Variants in PDE10A observed in about 807,000 individuals in gnomAD.
PDE10A encodes phosphodiesterase 10A, also known as cAMP and cAMP-inhibited cGMP 3',5'-cyclic phosphodiesterase 10A.
In PDE10A, 39 loss-of-function variants were observed where a neutral mutation model predicts 97.7. The observed-to-expected ratio is 0.40, with a 90% CI of 0.31 to 0.52. The LOEUF (loss-of-function observed/expected upper bound fraction) is 0.52. Among genes scored for constraint, PDE10A ranks in the 20% least tolerant of loss-of-function variants. The pLI is 0.56. For missense variants in PDE10A, 731 were observed against 1,047.8 expected (o/e 0.70, Z 4.17); for synonymous variants, 371 against 376.8 (o/e 0.98, Z 0.18).
intron 1 of PDE10A, among the ~76,000 whole-genome samples, chr6:165,645,325 C>T (rs1279299254): frequency 6.6e-6 from 1 of 152,188 alleles, no homozygotes; most frequent in African/African-American, 2.4e-5. Flanking sequence ...GCTTCACTCC[C>T]TACTCCTGCC....
intron 18 of PDE10A, 114 bp from the exon 19 acceptor site, chr6:165,343,616 G>A: frequency 4.1e-6 from 3 of 738,636 alleles, no homozygotes; most frequent in Non-Finnish European, 7.2e-6. Flanking sequence ...CTTCATTAAA[G>A]AGCACACAGA....
At chr6:165,664,083 C>T (rs551624234), upstream of PDE10A, among the ~76,000 whole-genome samples, 134 of 152,138 alleles carry the variant, frequency 8.8e-4, no homozygotes, top group Non-Finnish European at 1.7e-3. Flanking sequence ...ACGGGCTGTC[C>T]GGACTGCCTG....
At chr6:165,663,834 C>T (rs1333045052), upstream of PDE10A, among the ~76,000 whole-genome samples, 4 of 152,210 alleles carry the variant, frequency 2.6e-5, no homozygotes, top group African/African-American at 7.2e-5. Flanking sequence ...TTGCCATATG[C>T]GGCTCTCTTG....
intron 1 of PDE10A, among the ~76,000 whole-genome samples, chr6:165,806,053 AAAAAAAAAAAAAAAAAAG>A (rs993514244): frequency 2.0e-5 from 3 of 149,496 alleles, no homozygotes; most frequent in South Asian, 2.1e-4. Flanking sequence ...AAAAAAAAAA[AAAAAAAAAAAAAAAAAAG>A]ATCAAACAGC....
chr6:165,469,779 T>G (rs1422656451), intron 3 of PDE10A, among the ~76,000 whole-genome samples: 1 of 152,234 alleles, frequency 6.6e-6, no homozygotes, highest in East Asian at 1.9e-4. Context: ...AACTGGTTCC[T>G]CTGGCTTCTA....
intron 12 of PDE10A, among the ~76,000 whole-genome samples, chr6:165,414,958 A>G (rs1321369626): frequency 6.6e-6 from 1 of 152,130 alleles, no homozygotes; most frequent in African/African-American, 2.4e-5. Context: ...GATCAGTTGT[A>G]TATCTCCTTT....
chr6:165,345,949 C>T (rs940881788), intron 18 of PDE10A, among the ~76,000 whole-genome samples: 12 of 151,974 alleles, frequency 7.9e-5, no homozygotes, highest in African/African-American at 2.4e-4. Flanking sequence ...GAGGAGTGCA[C>T]GTGAAGTCCT....
intron 1 of PDE10A, among the ~76,000 whole-genome samples, chr6:165,588,416 G>T (rs1489606464): frequency 6.7e-6 from 1 of 149,238 alleles, no homozygotes; most frequent in East Asian, 2.1e-4. Context: ...TCAGCCTCTA[G>T]AGTAGCTGGG....
chr6:165,860,183 G>T (rs571486305), intron 1 of PDE10A, among the ~76,000 whole-genome samples: 37 of 152,334 alleles, frequency 2.4e-4, no homozygotes, highest in African/African-American at 8.7e-4. Flanking sequence ...GCCGGGCGCA[G>T]TGGCTCACGC....
In PDE10A at chr6:165,336,106, T is replaced by C; in HGVS notation, c.3065+17A>G. 6.4e-7 allele frequency: 1 copy of C among 1,573,392 alleles called. No homozygotes were observed. The highest frequency in any genetic ancestry group is 8.7e-7 in the Non-Finnish European group (1 of 1,143,244). On this transcript the variant is annotated intron_variant, in intron 21 of 21. Coordinates refer to ENST00000539869, the MANE Select transcript of PDE10A (RefSeq NM_001385079.1). ...TGTTGGAAACAATATTTTTACGGCT[T>C]GAACCATAGTACATACCTGCATGCT...
In PDE10A at chr6:165,534,311, C is replaced by CAA. The variant is rs71029552; in HGVS notation, c.994+9127_994+9128dup. The stretch of plus-strand genomic sequence containing the variant: ...GATGCAATAATAAAAAGTCTTCCAT[C>CAA]AAAAAAAAAAAAAAAAGTCCAGGAC... On this transcript the variant is annotated intron_variant, in intron 2 of 21. Transcript: ENST00000539869. Among the ~76,000 whole-genome samples the CAA allele has an allele frequency of 1.4e-3, 187 of 130,764 alleles. 2 individuals carry two copies. The highest frequency in any genetic ancestry group is 2.1e-3 in the South Asian group (9 of 4,254). The allele number at this position is 130,764 out of a possible 152,430, so 85.8% of individuals were successfully genotyped here.
At chr6:165,406,309 G>C (rs1787162635) in intron 13 of PDE10A, among the ~76,000 whole-genome samples, 1 of 148,758 alleles carries the variant, frequency 6.7e-6, no homozygotes. Flanking sequence ...TTGAATTTTA[G>C]GAGATAACTT....
intron 1 of PDE10A, among the ~76,000 whole-genome samples, chr6:165,689,880 T>A (rs1160283020): frequency 6.6e-6 from 1 of 152,180 alleles, no homozygotes. Context: ...CATACCCTGA[T>A]GCAATGTCCA....
intron 1 of PDE10A, among the ~76,000 whole-genome samples, chr6:165,891,255 G>T (rs939199475): frequency 6.6e-6 from 1 of 152,176 alleles, no homozygotes; most frequent in Non-Finnish European, 1.5e-5. Flanking sequence ...TCTCATTTGG[G>T]ATTTGCTGGC....
rs570988373 is a variant in PDE10A, at chr6:165,327,290, A to G, written c.*5735T>C. On this transcript the variant is annotated 3_prime_UTR_variant, in exon 22 of 22. Transcript: ENST00000539869. ...AGAGCAAGTGATATACGTGAAAGAT[A>G]TTTTAAAAACTCTGTATTCAATTAT... 1 of 152,360 alleles carries G rather than the reference A, an allele frequency of 6.6e-6. No individual in the cohort carries two copies. The highest frequency in any genetic ancestry group is 1.9e-4 in the East Asian group (1 of 5,192). The allele number at this position is 152,360 out of a possible 1,614,324, so 9.4% of individuals were successfully genotyped here.
At chr6:165,925,293 G>A (rs1782900658) in intron 1 of PDE10A, among the ~76,000 whole-genome samples, 1 of 152,144 alleles carries the variant, frequency 6.6e-6, no homozygotes, top group South Asian at 2.1e-4. Flanking sequence ...GTACATTGCT[G>A]GTGGGAATGT....
chr6:165,776,585 A>G (rs1778190915), intron 1 of PDE10A, among the ~76,000 whole-genome samples: 1 of 152,128 alleles, frequency 6.6e-6, no homozygotes, highest in South Asian at 2.1e-4. Context: ...TTTGCAGAAC[A>G]CTCTCCAAAG....
intron 1 of PDE10A, among the ~76,000 whole-genome samples, chr6:165,772,771 G>C (rs1778050125): frequency 6.6e-6 from 1 of 152,186 alleles, no homozygotes; most frequent in South Asian, 2.1e-4. Flanking sequence ...GAGCAAGGAA[G>C]AGACAGAGTG....
intron 2 of PDE10A, among the ~76,000 whole-genome samples, chr6:165,486,064 G>C (rs1779899598): frequency 6.6e-6 from 1 of 152,116 alleles, no homozygotes; most frequent in South Asian, 2.1e-4. Context: ...GTAACTAGAG[G>C]AATTAATGAA....
Sources: gnomAD v4.1 joint callset for allele counts (sites outside exome capture counted in the v4.1 genomes callset) on GRCh38, gnomAD v4.1.1 for gene constraint, MANE v1.5 for transcripts, NCBI Gene and HGNC (gene_info 2026-07-23, HGNC 2026-07-21) for gene names.